The following DIAPH2 variants were observed in gnomAD, a reference collection of about 807,000 sequenced individuals.
DIAPH2 encodes the protein diaphanous related formin 2.
DIAPH2 carries 35 observed loss-of-function variants against 92.7 expected under a neutral mutation model. The ratio of observed to expected loss-of-function variants is 0.38; its 90% CI spans 0.29 to 0.50. DIAPH2 has a LOEUF of 0.50. Among genes scored for constraint, DIAPH2 ranks in the 20% least tolerant of loss-of-function variants. The probability of loss-of-function intolerance (pLI) is 0.94; values close to 1 mark genes in which losing one functional copy is unlikely to be tolerated. For synonymous variants in DIAPH2, 301 were observed against 280.4 expected (o/e 1.07, Z -0.73); for missense variants, 701 against 819.5 (o/e 0.86, Z 1.77).
chrX:97,025,576 C>T (rs775269589), intron 17 of DIAPH2, among the ~76,000 whole-genome samples: 5 of 109,984 alleles, frequency 4.5e-5, no homozygotes, highest in African/African-American at 6.6e-5. Context: ...GGCGTGAACC[C>T]GGGAGGCGGA....
At chrX:97,427,039 A>G (rs932162834) in intron 25 of DIAPH2, among the ~76,000 whole-genome samples, 3 of 108,322 alleles carry the variant, frequency 2.8e-5, no homozygotes, top group Non-Finnish European at 5.7e-5. Context: ...TTAGCCGGGC[A>G]TGGTGGCAGG....
intron 22 of DIAPH2, among the ~76,000 whole-genome samples, chrX:97,222,172 AGATGATGATGATGATGATGAT>A (rs56742311): frequency 9.6e-6 from 1 of 104,051 alleles, no homozygotes; most frequent in Non-Finnish European, 1.9e-5. Flanking sequence ...GGGAGGGTCT[AGATGATGATGATGATGATGAT>A]GATGATGATG....
chrX:96,906,672 C>G (rs1216517852), intron 5 of DIAPH2, among the ~76,000 whole-genome samples: 7 of 112,187 alleles, frequency 6.2e-5, no homozygotes, highest in African/African-American at 2.3e-4. Context: ...CTGTTTTCCT[C>G]TAAAGCTTAT....
At chrX:97,259,361 C>T (rs1405166753) in intron 23 of DIAPH2, among the ~76,000 whole-genome samples, 2 of 111,664 alleles carry the variant, frequency 1.8e-5, no homozygotes, top group Non-Finnish European at 3.8e-5. Flanking sequence ...GAGAAAACAT[C>T]AAGTAGACCT....
chrX:96,706,023 T>C (rs2063883788), intron 1 of DIAPH2, among the ~76,000 whole-genome samples: 1 of 112,532 alleles, frequency 8.9e-6, no homozygotes, highest in Admixed American at 9.4e-5. Flanking sequence ...ATTAGCAATG[T>C]GGTTTTTAAA....
chrX:96,787,331 A>G (rs1349441666), intron 4 of DIAPH2, among the ~76,000 whole-genome samples: 2 of 111,581 alleles, frequency 1.8e-5, no homozygotes, highest in Admixed American at 9.6e-5. Context: ...GAACTAATAT[A>G]TTTTTGAAGT....
intron 10 of DIAPH2, among the ~76,000 whole-genome samples, chrX:96,933,004 A>T (rs1223025673): frequency 9.0e-6 from 1 of 111,498 alleles, no homozygotes; most frequent in Non-Finnish European, 1.9e-5. Context: ...ACATCTCTTC[A>T]GTATGCCCTG....
chrX:96,830,388 G>A (rs2064844503), intron 4 of DIAPH2, among the ~76,000 whole-genome samples: 1 of 108,527 alleles, frequency 9.2e-6, no homozygotes, highest in Admixed American at 9.9e-5. Flanking sequence ...TGGCTAACAT[G>A]GTGAAACCCC....
At chrX:97,447,847 G>T (rs939783045) in intron 26 of DIAPH2, among the ~76,000 whole-genome samples, 1 of 111,802 alleles carries the variant, frequency 8.9e-6, no homozygotes, top group Non-Finnish European at 1.9e-5. Flanking sequence ...TCCCTCCCTT[G>T]TTTATTTCTT....
intron 26 of DIAPH2, among the ~76,000 whole-genome samples, chrX:97,542,164 G>A (rs1204972348): frequency 8.9e-6 from 1 of 112,425 alleles, no homozygotes; most frequent in African/African-American, 3.2e-5. Flanking sequence ...ATAGGCATGA[G>A]ATTAAGCAGT....
intron 3 of DIAPH2, among the ~76,000 whole-genome samples, chrX:96,751,432 C>T (rs1181184015): frequency 1.9e-5 from 2 of 103,381 alleles, no homozygotes; most frequent in African/African-American, 3.5e-5. Context: ...AAAAATTAGC[C>T]GAGCGTGGTG....
chrX:97,054,536 A>G (rs1272789185), intron 17 of DIAPH2, among the ~76,000 whole-genome samples: 1 of 111,667 alleles, frequency 9.0e-6, no homozygotes, highest in African/African-American at 3.3e-5. Context: ...ATCTCAAAGG[A>G]GATGGCATTT....
intron 23 of DIAPH2, among the ~76,000 whole-genome samples, chrX:97,265,073 A>G (rs1569345075): frequency 1.8e-5 from 2 of 112,115 alleles, no homozygotes; most frequent in African/African-American, 6.5e-5. Context: ...GTGTTAGTCT[A>G]CTATTATTTT....
chrX:97,317,506 A>C, intron 23 of DIAPH2, among the ~76,000 whole-genome samples: 1 of 112,289 alleles, frequency 8.9e-6, no homozygotes, highest in Non-Finnish European at 1.9e-5. Context: ...ATGATAATTC[A>C]AGTTAAATCA....
At chrX:97,379,055 G>A (rs5920910) in intron 24 of DIAPH2, among the ~76,000 whole-genome samples, 121 of 111,502 alleles carry the variant, frequency 1.1e-3, no homozygotes, top group Non-Finnish European at 1.1e-3. Flanking sequence ...ATATTCACGC[G>A]GGTAACCAGA....
chrX:97,510,353 G>A lies in DIAPH2; in HGVS notation c.3241+80608G>A, dbSNP rs1349795502. ...TATCCTTTGCCCACTTTTTGATGGTGTTGTTTGTTTTTTTCTTGTAAATTT... is the reference window on the plus strand; with the variant it reads ...TATCCTTTGCCCACTTTTTGATGGTATTGTTTGTTTTTTTCTTGTAAATTT... On this transcript the variant is annotated intron_variant, in intron 26 of 26. Transcript: ENST00000324765. Among the ~76,000 whole-genome samples, 14 of 111,620 alleles carry A rather than the reference G, an allele frequency of 1.3e-4. No individual in the cohort carries two copies. In the East Asian group the frequency reaches 3.9e-3, roughly 31 times the overall value.
intron 22 of DIAPH2, among the ~76,000 whole-genome samples, chrX:97,231,930 A>G (rs748137233): frequency 1.3e-5 from 1 of 79,555 alleles, no homozygotes; most frequent in South Asian, 6.1e-4. Context: ...ATAAATGTTT[A>G]TTTAGTTAAA....
chrX:96,723,916 A>ATTTTTTTTTTTTTTTTT, intron 1 of DIAPH2, among the ~76,000 whole-genome samples: 1 of 71,299 alleles, frequency 1.4e-5, no homozygotes, highest in Non-Finnish European at 2.5e-5. Context: ...TGATTCTATA[A>ATTTTTTTTTTTTTTTTT]TTTTTTTTTT....
intron 23 of DIAPH2, among the ~76,000 whole-genome samples, chrX:97,274,213 A>G (rs971765513): frequency 1.2e-4 from 13 of 111,404 alleles, no homozygotes; most frequent in Non-Finnish European, 1.9e-4. Context: ...TGTTTTGGTT[A>G]TAAGAAACAT....
Sources: gnomAD v4.1 joint callset for allele counts (sites outside exome capture counted in the v4.1 genomes callset) on GRCh38, gnomAD v4.1.1 for gene constraint, MANE v1.5 for transcripts, NCBI Gene and HGNC (gene_info 2026-07-23, HGNC 2026-07-21) for gene names.